Variants in ACSS2 observed in about 807,000 individuals in gnomAD.
The protein encoded by ACSS2 is acyl-CoA synthetase short chain family member 2.
In ACSS2, 58 loss-of-function variants were observed where a neutral mutation model predicts 90.6. The ratio of observed to expected loss-of-function variants is 0.64; its 90% CI spans 0.52 to 0.80. ACSS2 has a LOEUF of 0.80. Among genes scored for constraint, ACSS2 ranks in the 30% least tolerant of loss-of-function variants. The pLI is 0.00. For missense variants in ACSS2, 759 were observed against 912.0 expected (o/e 0.83, Z 2.16); for synonymous variants, 300 against 330.9 (o/e 0.91, Z 1.01).
chr20:34,890,756 C>T (rs1386177387), intron 2 of ACSS2, among the ~76,000 whole-genome samples: 3 of 152,120 alleles, frequency 2.0e-5, no homozygotes, highest in Non-Finnish European at 4.4e-5. Context: ...ACTGTCTCTT[C>T]ATGGCTCTCA....
upstream of ACSS2, chr20:34,876,536 C>G: frequency 8.0e-7 from 1 of 1,247,542 alleles, no homozygotes; most frequent in Non-Finnish European, 1.0e-6. Flanking sequence ...CTCCCCCACT[C>G]ACCAGGCCCC....
chr20:34,878,895 C>CTT (rs11299664), intron 1 of ACSS2, among the ~76,000 whole-genome samples: 18 of 128,478 alleles, frequency 1.4e-4, no homozygotes, highest in South Asian at 2.4e-4. Flanking sequence ...TTCTGCTTTT[C>CTT]TTTTTTTTTT....
At position 34,878,139 on chromosome 20, in the gene ACSS2, TGC is replaced by T. The variant is rs1568956839; in HGVS notation, c.178+1317_178+1318del. The stretch of plus-strand genomic sequence containing the variant: ...TTGGAGAGACGAGGTTTTGCCATGT[TGC>T]CCAGGCTGGTCTTGAACTCCTGGCC... On this transcript the variant is annotated intron_variant, in intron 1 of 17. Coordinates refer to ENST00000360596, the MANE Select transcript of ACSS2 (RefSeq NM_018677.4). 3.9e-5 allele frequency among the ~76,000 whole-genome samples: 6 copies of T among 152,328 alleles called. No individual in the cohort carries two copies. The East Asian group carries it at 1.2e-3, about 29-fold the overall frequency.
chr20:34,921,632 T>A lies in ACSS2; in HGVS notation c.1467+32T>A, dbSNP rs896295076. ...GATGCTTCCCTGGCTGGTCTTGGGC[T>A]AGGCAGGGATGGTGTCTTGGGGCAC... On this transcript the variant is annotated intron_variant, in intron 12 of 17. Coordinates refer to ENST00000360596, the MANE Select transcript of ACSS2 (RefSeq NM_018677.4). 4 of 1,613,942 alleles carry A rather than the reference T, an allele frequency of 2.5e-6. No homozygotes were observed. The African/African-American group carries it at 5.3e-5, about 22-fold the overall frequency.
At chr20:34,888,067 C>CAAAAAAAA (rs34578238) in intron 2 of ACSS2, among the ~76,000 whole-genome samples, 5 of 62,486 alleles carry the variant, frequency 8.0e-5, no homozygotes, top group Non-Finnish European at 1.4e-4. Flanking sequence ...AAGACTCCAT[C>CAAAAAAAA]AAAAAAAAAA....
chr20:34,897,401 C>G (rs912238777), intron 2 of ACSS2, among the ~76,000 whole-genome samples: 1 of 152,214 alleles, frequency 6.6e-6, no homozygotes, highest in Non-Finnish European at 1.5e-5. Flanking sequence ...AACCACTAAT[C>G]TACTTTCTGT....
At chr20:34,904,070 A>G (rs1455811367) in intron 2 of ACSS2, among the ~76,000 whole-genome samples, 2 of 152,098 alleles carry the variant, frequency 1.3e-5, no homozygotes, top group Admixed American at 6.6e-5. Context: ...CCAAATAAAT[A>G]TAATAAAAGC....
intron 2 of ACSS2, among the ~76,000 whole-genome samples, chr20:34,896,962 G>A (rs764014866): frequency 5.5e-4 from 84 of 152,100 alleles, no homozygotes; most frequent in African/African-American, 1.8e-3. Context: ...CCCGGGAGGC[G>A]GAGGTTGCAG....
At chr20:34,907,786 G>A (rs1412116368) in intron 2 of ACSS2, among the ~76,000 whole-genome samples, 1 of 152,224 alleles carries the variant, frequency 6.6e-6, no homozygotes, top group African/African-American at 2.4e-5. Flanking sequence ...AGGGCCGTTT[G>A]CCAGCTTCCT....
At chr20:34,923,289 C>G (rs776816539) in intron 13 of ACSS2, 34 bp from the exon 14 acceptor site, 6 of 1,445,136 alleles carry the variant, frequency 4.2e-6, no homozygotes, top group Non-Finnish European at 4.9e-6. Context: ...GACAGCATAG[C>G]AAATGTGATC....
chr20:34,913,836 C>G lies in ACSS2; in HGVS notation c.643+11C>G. 6.2e-7 allele frequency: 1 copy of G among 1,611,896 alleles called. No homozygotes were observed. Among genetic ancestry groups the G allele is most frequent in the Non-Finnish European group, 8.5e-7 (1 of 1,178,068 alleles). ...TTCTCATCACTACAGGTGACTAATT[C>G]TCTCACCTCTTCTCCAGAACCCCCC... On this transcript the variant is annotated intron_variant, in intron 5 of 17. Coordinates refer to ENST00000360596, the MANE Select transcript of ACSS2 (RefSeq NM_018677.4).
rs539889759 is a variant in ACSS2 at position 34,906,757 on chromosome 20, C to T, written c.375-6339C>T. Among the ~76,000 whole-genome samples, 190 of 151,936 alleles carry T rather than the reference C, an allele frequency of 1.3e-3. 1 individual carries two copies. The highest frequency in any genetic ancestry group is 1.8e-3 in the Non-Finnish European group (125 of 67,924). On this transcript the variant is annotated intron_variant, in intron 2 of 17. Coordinates refer to ENST00000360596, the MANE Select transcript of ACSS2 (RefSeq NM_018677.4). ...CAGCACTTTGGGAGGCCGAGGCAGG[C>T]GGATCACCTGAGGTCAGGGGTGTGA...
chr20:34,883,572 A>G (rs914868641), intron 2 of ACSS2, among the ~76,000 whole-genome samples: 4 of 152,218 alleles, frequency 2.6e-5, no homozygotes, highest in African/African-American at 9.6e-5. Flanking sequence ...CACAACCATG[A>G]CACTCTATTA....
intron 1 of ACSS2, among the ~76,000 whole-genome samples, chr20:34,878,895 C>CTTTT (rs11299664): frequency 1.2e-4 from 16 of 128,514 alleles, no homozygotes; most frequent in Non-Finnish European, 1.5e-4. Flanking sequence ...TTCTGCTTTT[C>CTTTT]TTTTTTTTTT....
chr20:34,925,609 G>A, intron 14 of ACSS2, 89 bp from the exon 15 acceptor site: 4 of 1,382,704 alleles, frequency 2.9e-6, no homozygotes, highest in Non-Finnish European at 4.0e-6. Flanking sequence ...TTGTTAGAAG[G>A]CTATTGCAGA....
At chr20:34,913,852 A>G (rs986093794) in intron 5 of ACSS2, 27 bp downstream of exon 5, 2 of 1,604,874 alleles carry the variant, frequency 1.2e-6, no homozygotes, top group African/African-American at 2.7e-5. Context: ...CCTCTTCTCC[A>G]GAACCCCCCA....
intron 14 of ACSS2, 97 bp from the exon 15 acceptor site, chr20:34,925,601 G>A (rs940573479): frequency 2.2e-6 from 3 of 1,341,566 alleles, no homozygotes; most frequent in Non-Finnish European, 2.1e-6. Context: ...AGGAAGACTT[G>A]TTAGAAGGCT....
rs199623303 is a variant in ACSS2, at chr20:34,917,751, TG to T, written c.835-1683del. Reference sequence around the variant, plus strand: ...TTTTGTGGGTTTTTTTTGTTGTTTTTGTTTTTGTTTTTGTTTTTTGAGATGG... The same window carrying T: ...TTTTGTGGGTTTTTTTTGTTGTTTTTTTTTTGTTTTTGTTTTTTGAGATGG... On this transcript the variant is annotated intron_variant, in intron 7 of 17. Transcript: ENST00000360596. Among the ~76,000 whole-genome samples, 1,471 of 152,152 alleles carry T rather than the reference TG, an allele frequency of 9.7e-3. 18 individuals are homozygous for T. The highest frequency in any genetic ancestry group is 0.041 in the Middle Eastern group (12 of 290).
intron 2 of ACSS2, among the ~76,000 whole-genome samples, chr20:34,909,653 C>T (rs1379814326): frequency 6.6e-6 from 1 of 151,922 alleles, no homozygotes; most frequent in Non-Finnish European, 1.5e-5. Context: ...CTTCCTACCC[C>T]TGTTACCCTG....
Sources: allele counts gnomAD v4.1 joint callset (sites outside exome capture counted in the v4.1 genomes callset), GRCh38; gene constraint gnomAD v4.1.1; transcripts MANE v1.5; gene names NCBI Gene and HGNC (gene_info 2026-07-23, HGNC 2026-07-21).